The following SYNPO variants were observed in gnomAD, a reference collection of about 807,000 sequenced individuals.
The protein encoded by SYNPO is synaptopodin.
Under a neutral mutation model 49.5 loss-of-function variants are expected in SYNPO, and 19 were observed. The ratio of observed to expected loss-of-function variants is 0.38; its 90% CI spans 0.27 to 0.56. The LOEUF is 0.56. Ranked by LOEUF, SYNPO falls within the 20% of genes least tolerant of loss-of-function variation. The pLI is 0.68. For synonymous variants in SYNPO, 536 were observed against 548.0 expected, an observed-to-expected ratio of 0.98 and a Z score of 0.31; for missense variants, 1,131 against 1,248.3, an observed-to-expected ratio of 0.91 and a Z score of 1.42.
intron 1 of SYNPO, among the ~76,000 whole-genome samples, chr5:150,607,909 TC>T (rs1160229309): frequency 2.0e-5 from 3 of 152,258 alleles, no homozygotes; most frequent in African/African-American, 7.2e-5. Context: ...AATTTTACAT[TC>T]TTTTTTTGGT....
At chr5:150,627,518 C>T (rs1757395295) in intron 2 of SYNPO, among the ~76,000 whole-genome samples, 1 of 152,140 alleles carries the variant, frequency 6.6e-6, no homozygotes, top group Admixed American at 6.5e-5. Context: ...CCCCTGCCCT[C>T]AAGGCACTTG....
intron 2 of SYNPO, among the ~76,000 whole-genome samples, chr5:150,621,892 G>A (rs1436090516): frequency 6.9e-6 from 1 of 144,248 alleles, no homozygotes; most frequent in African/African-American, 2.6e-5. Context: ...TCATGATCAG[G>A]CCTCAGCCAA....
chr5:150,620,298 A>G (rs1320230832), intron 2 of SYNPO, among the ~76,000 whole-genome samples: 1 of 152,248 alleles, frequency 6.6e-6, no homozygotes, highest in African/African-American at 2.4e-5. Flanking sequence ...AATTGAAATG[A>G]CCATCATCAG....
At chr5:150,595,487 G>C in the SYNPO span, among the ~76,000 whole-genome samples, 1 of 152,194 alleles carries the variant, frequency 6.6e-6, no homozygotes, top group Non-Finnish European at 1.5e-5. Context: ...TGACAGTTTC[G>C]GCATAGGCCA....
chr5:150,648,181 C>T lies in SYNPO; in HGVS notation c.-95C>T, dbSNP rs768849286. 1.8e-5 allele frequency: 28 copies of T among 1,572,520 alleles called. No individual in the cohort carries two copies. The highest frequency in any genetic ancestry group is 4.1e-5 in the African/African-American group (3 of 73,944). Reference sequence around the variant, plus strand: ...CCTTCAAGCCTCCCAGGCCATGCACCGGGGCTCAGCCTGAGTTCCACCTCG... The same window carrying T: ...CCTTCAAGCCTCCCAGGCCATGCACTGGGGCTCAGCCTGAGTTCCACCTCG... On this transcript the variant is annotated 5_prime_UTR_variant, in exon 2 of 3. Coordinates refer to ENST00000307662, the MANE Select transcript of SYNPO (RefSeq NM_007286.6). This position sits in a 1 kb window ranked among gnomAD's most constrained non-coding sequence, Gnocchi z 5.0.
At chr5:150,614,352 T>C (rs1011354894) in intron 1 of SYNPO, among the ~76,000 whole-genome samples, 1 of 152,132 alleles carries the variant, frequency 6.6e-6, no homozygotes, top group African/African-American at 2.4e-5. Context: ...AAGCCAACAG[T>C]TGGAGCCCTG....
chr5:150,589,885 C>G, the SYNPO span, among the ~76,000 whole-genome samples: 4 of 152,162 alleles, frequency 2.6e-5, no homozygotes, highest in African/African-American at 9.7e-5. Flanking sequence ...GAAAGGGATT[C>G]CAGTAGACAA....
At chr5:150,596,825 C>G (rs1357675370), upstream of SYNPO, among the ~76,000 whole-genome samples, 1 of 152,188 alleles carries the variant, frequency 6.6e-6, no homozygotes, top group African/African-American at 2.4e-5. Flanking sequence ...AGACCCAAGT[C>G]AGGGCAAGGA....
the SYNPO span, among the ~76,000 whole-genome samples, chr5:150,593,604 G>C: frequency 6.6e-6 from 1 of 152,086 alleles, no homozygotes; most frequent in African/African-American, 2.4e-5. Flanking sequence ...TGAGACTACA[G>C]GCGTTCACCA....
At chr5:150,614,856 G>A (rs888163588) in intron 1 of SYNPO, 5 of 152,236 alleles carry the variant, frequency 3.3e-5, no homozygotes, top group African/African-American at 1.2e-4. Context: ...AACCCCAGGA[G>A]CTGTGGGGGT....
Position 150,620,398 on chromosome 5 carries a change from C to T in SYNPO, c.400+1631C>T, listed in dbSNP as rs142796718. On this transcript the variant is annotated intron_variant, in intron 2 of 2. Coordinates refer to the SYNPO transcript ENST00000394243. ...TTACCCTTTTCATTTCATTTAACCT[C>T]GTAGCAATCCCCATGAGGGACATAC... Among the ~76,000 whole-genome samples the T allele has an allele frequency of 1.5e-3, 226 of 152,320 alleles. 1 individual carries two copies. Among genetic ancestry groups the T allele is most frequent in the African/African-American group, 4.8e-3 (201 of 41,574 alleles).
chr5:150,649,230 C>T lies in SYNPO; in HGVS notation c.955C>T (p.Pro319Ser), dbSNP rs531505292. Reference protein sequence around the residue: ...RRPLGNFTAPPTYTETLSTAP... With the variant: ...RRPLGNFTAPSTYTETLSTAP... ...CCCCTTGGGGAACTTCACTGCACCC[C>T]CCACCTACACTGAGACCTTGTCCAC... Residue 319 changes from proline to serine, a missense_variant, in exon 2 of 3, where the codon CCC (proline) becomes TCC (serine). Coordinates refer to ENST00000307662, the MANE Select transcript of SYNPO (RefSeq NM_007286.6). 1 of 1,613,982 alleles carries T rather than the reference C, an allele frequency of 6.2e-7. No individual in the cohort carries two copies. The highest frequency in any genetic ancestry group is 8.5e-7 in the Non-Finnish European group (1 of 1,180,026).
rs1054967708 is a variant in SYNPO, at chr5:150,657,886, A to C, written c.*799A>C. On this transcript the variant is annotated 3_prime_UTR_variant, in exon 3 of 3. Coordinates refer to ENST00000307662, the MANE Select transcript of SYNPO (RefSeq NM_007286.6). ...TCTTATCTGCAGCCATAAGAGAATTATAAGGCAGTGATTTCCCTTAGGCCC... is the reference window on the plus strand; with the variant it reads ...TCTTATCTGCAGCCATAAGAGAATTCTAAGGCAGTGATTTCCCTTAGGCCC... The C allele has an allele frequency of 6.6e-6, 1 of 152,342 alleles. No homozygotes were observed. The highest frequency in any genetic ancestry group is 2.1e-4 in the South Asian group (1 of 4,822). 9.4% of individuals were successfully genotyped at this position (152,342 alleles called of 1,614,324 possible).
chr5:150,598,359 A>T (rs1029930052), upstream of SYNPO, among the ~76,000 whole-genome samples: 1 of 152,226 alleles, frequency 6.6e-6, no homozygotes, highest in African/African-American at 2.4e-5. Context: ...CCCTAGAGCC[A>T]GTCTGTGCTG....
intron 2 of SYNPO, among the ~76,000 whole-genome samples, chr5:150,627,304 A>T (rs1184802586): frequency 6.6e-6 from 1 of 152,142 alleles, no homozygotes; most frequent in African/African-American, 2.4e-5. Flanking sequence ...AGCAGGATAG[A>T]TCTGCTGAGG....
intron 2 of SYNPO, among the ~76,000 whole-genome samples, chr5:150,634,856 ACACACAC>A (rs760005822): frequency 0.099 from 7,941 of 79,846 alleles, 591 homozygotes; most frequent in Admixed American, 0.25. Context: ...ACACACACAC[ACACACAC>A]CACACACACA....
chr5:150,638,878 G>T (rs1398531370), upstream of SYNPO, among the ~76,000 whole-genome samples: 1 of 152,220 alleles, frequency 6.6e-6, no homozygotes, highest in Non-Finnish European at 1.5e-5. Flanking sequence ...GGGAGCTGGG[G>T]CTGGGGAGAG....
At chr5:150,641,565 T>A (rs902106356) in intron 1 of SYNPO, among the ~76,000 whole-genome samples, 3 of 152,088 alleles carry the variant, frequency 2.0e-5, no homozygotes, top group Non-Finnish European at 4.4e-5. Context: ...CTCCTGTGGA[T>A]CCTCCATCCA....
At chr5:150,642,295 T>C (rs1044194858) in intron 1 of SYNPO, among the ~76,000 whole-genome samples, 1 of 152,190 alleles carries the variant, frequency 6.6e-6, no homozygotes, top group Non-Finnish European at 1.5e-5. Context: ...CAGCTTTTCA[T>C]TGTGCCCGCC....
Sources: allele counts gnomAD v4.1 joint callset (sites outside exome capture counted in the v4.1 genomes callset), GRCh38; gene constraint gnomAD v4.1.1; non-coding constraint Gnocchi (gnomAD v3.1); transcripts MANE v1.5; gene names NCBI Gene and HGNC (gene_info 2026-07-23, HGNC 2026-07-21).